The following IQCM variants were observed in gnomAD, a reference collection of about 807,000 sequenced individuals.
The protein encoded by IQCM is IQ domain-containing protein M.
In IQCM, 45 loss-of-function variants were observed where a neutral mutation model predicts 57.6. The ratio of observed to expected loss-of-function variants is 0.78; its 90% CI spans 0.62 to 1.00. The LOEUF is 1.00. Among genes scored for constraint, IQCM ranks in the 50% least tolerant of loss-of-function variants. The probability of loss-of-function intolerance (pLI) is 0.00; values close to 1 mark genes in which losing one functional copy is unlikely to be tolerated. For synonymous variants in IQCM, 148 were observed against 158.9 expected (o/e 0.93, Z 0.51); for missense variants, 468 against 511.6 (o/e 0.91, Z 0.82).
intron 12 of IQCM, among the ~76,000 whole-genome samples, chr4:149,537,965 T>A (rs1389376251): frequency 6.6e-6 from 1 of 151,570 alleles, no homozygotes; most frequent in East Asian, 1.9e-4. Flanking sequence ...AGACACCAGA[T>A]GGTAACTCAT....
chr4:149,502,386 T>C (rs912002491), intron 12 of IQCM, among the ~76,000 whole-genome samples: 4 of 152,052 alleles, frequency 2.6e-5, no homozygotes, highest in African/African-American at 4.8e-5. Flanking sequence ...AGAGGCTGGG[T>C]GCATGCCTTT....
At chr4:149,533,154 G>A (rs905593988) in intron 12 of IQCM, among the ~76,000 whole-genome samples, 4 of 152,124 alleles carry the variant, frequency 2.6e-5, no homozygotes, top group Admixed American at 1.3e-4. Flanking sequence ...GAGCAAAAAT[G>A]AGAGGAATAG....
chr4:149,393,497 G>T (rs1165453112), intron 13 of IQCM, among the ~76,000 whole-genome samples: 1 of 151,756 alleles, frequency 6.6e-6, no homozygotes, highest in Non-Finnish European at 1.5e-5. Flanking sequence ...AAAAATAGTG[G>T]ATAAGAATTT....
At chr4:149,642,783 A>G (rs1005442482) in intron 7 of IQCM, among the ~76,000 whole-genome samples, 1 of 152,316 alleles carries the variant, frequency 6.6e-6, no homozygotes, top group East Asian at 1.9e-4. Flanking sequence ...ATTCAAAATT[A>G]TATTTAGGGA....
Position 149,686,603 on chromosome 4 carries a change from A to T in IQCM, c.386-135T>A. ...TTTAAAATGTTACTAACACAGAGATACTAAAAATCACAGCTGAGTAGTTTT... is the reference window on the plus strand; with the variant it reads ...TTTAAAATGTTACTAACACAGAGATTCTAAAAATCACAGCTGAGTAGTTTT... On this transcript the variant is annotated intron_variant, in intron 5 of 13. Coordinates refer to ENST00000636793, the MANE Select transcript of IQCM (RefSeq NM_001363507.2). The T allele has an allele frequency of 7.6e-6, 3 of 393,150 alleles. 1 individual carries two copies. In the East Asian group the frequency reaches 1.1e-4, roughly 14 times the overall value. The allele number at this position is 393,150 out of a possible 1,614,324, so 24.4% of individuals were successfully genotyped here.
Position 149,439,171 on chromosome 4 carries a change from T to C in IQCM, c.1229-5614A>G, listed in dbSNP as rs539835571. Among the ~76,000 whole-genome samples the C allele has an allele frequency of 1.6e-3, 250 of 152,182 alleles. 2 individuals are homozygous for C. The highest frequency in any genetic ancestry group is 3.7e-3 in the South Asian group (18 of 4,828). ...TATAAATCCAATCAAAATGCCATTT[T>C]AGAGTAGAAAATTAGGGAATCACAG... On this transcript the variant is annotated intron_variant, in intron 12 of 13. Coordinates refer to ENST00000636793, the MANE Select transcript of IQCM (RefSeq NM_001363507.2).
chr4:149,478,287 C>A (rs910990909), intron 12 of IQCM, among the ~76,000 whole-genome samples: 1 of 152,256 alleles, frequency 6.6e-6, no homozygotes, highest in East Asian at 1.9e-4. Context: ...CAGGACTTGT[C>A]TTTCTTGCCT....
intron 13 of IQCM, among the ~76,000 whole-genome samples, chr4:149,392,735 A>G (rs1159312529): frequency 3.9e-5 from 6 of 152,016 alleles, no homozygotes; most frequent in Non-Finnish European, 7.4e-5. Context: ...CAGAATCCAA[A>G]ATTTACACAA....
chr4:149,408,513 G>A (rs1222856147), intron 13 of IQCM, among the ~76,000 whole-genome samples: 1 of 152,016 alleles, frequency 6.6e-6, no homozygotes, highest in Non-Finnish European at 1.5e-5. Flanking sequence ...TAGAAATCAG[G>A]CAATTTTAAG....
chr4:149,692,613 C>T (rs1270805122), intron 5 of IQCM, among the ~76,000 whole-genome samples: 1 of 152,046 alleles, frequency 6.6e-6, no homozygotes, highest in Non-Finnish European at 1.5e-5. Flanking sequence ...AAAATAAATG[C>T]AGATATACTT....
chr4:149,486,803 C>G (rs760931068), intron 12 of IQCM, among the ~76,000 whole-genome samples: 8 of 152,002 alleles, frequency 5.3e-5, no homozygotes, highest in Admixed American at 1.3e-4. Context: ...AGTGAATGTT[C>G]CCAGGCCTGG....
chr4:149,647,282 T>C (rs1758730031), intron 7 of IQCM, among the ~76,000 whole-genome samples: 1 of 152,194 alleles, frequency 6.6e-6, no homozygotes. Flanking sequence ...TTTTGGCTTT[T>C]TAAATCTTTA....
intron 2 of IQCM, among the ~76,000 whole-genome samples, chr4:149,756,210 G>A (rs1047471952): frequency 4.6e-5 from 7 of 152,044 alleles, no homozygotes; most frequent in East Asian, 1.9e-4. Flanking sequence ...ACCCCCCGCC[G>A]TGCCTACAAC....
chr4:149,447,620 AT>A (rs768495815), intron 12 of IQCM, among the ~76,000 whole-genome samples: 27 of 151,794 alleles, frequency 1.8e-4, no homozygotes, highest in Admixed American at 7.3e-4. Flanking sequence ...GACTAAAAAA[AT>A]AAACAGAGTA....
At position 149,563,873 on chromosome 4, in the gene IQCM, T is replaced by C. The variant is rs1750367756; in HGVS notation, c.767A>G (p.Asn256Ser). Reference protein sequence around the residue: ...KSQPRIKGTPNKTDKLDSKVK... With the variant: ...KSQPRIKGTPSKTDKLDSKVK... Reference sequence around the variant, plus strand: ...TTTACTGTCAAGTTTATCAGTTTTATTTGGAGTACCTTTTATCCTAAAAAT... The same window carrying C: ...TTTACTGTCAAGTTTATCAGTTTTACTTGGAGTACCTTTTATCCTAAAAAT... Residue 256 changes from asparagine to serine, a missense_variant, in exon 10 of 14, where the codon AAT (asparagine) becomes AGT (serine). Asn to Ser is a conservative substitution (Grantham distance 46). Transcript: ENST00000636793. 8.1e-7 allele frequency: 1 copy of C among 1,227,964 alleles called. No individual in the cohort carries two copies. The highest frequency in any genetic ancestry group is 3.2e-5 in the East Asian group (1 of 31,664). The allele number at this position is 1,227,964 out of a possible 1,614,324, so 76.1% of individuals were successfully genotyped here.
At chr4:149,559,034 AC>A (rs1432465139) in intron 10 of IQCM, among the ~76,000 whole-genome samples, 1 of 152,022 alleles carries the variant, frequency 6.6e-6, no homozygotes, top group Non-Finnish European at 1.5e-5. Flanking sequence ...ACATTTCTCA[AC>A]CATACACCAG....
In IQCM at chr4:149,369,033, T is replaced by TGTATATATATATATATACAC. The variant is rs1560780062; in HGVS notation, c.1391-16968_1391-16967insGTGTATATATATATATATAC. Among the ~76,000 whole-genome samples the TGTATATATATATATATACAC allele has an allele frequency of 1.2e-4, 7 of 56,946 alleles. 1 individual carries two copies. The highest frequency in any genetic ancestry group is 4.5e-4 in the African/African-American group (7 of 15,414). 37.4% of individuals were successfully genotyped at this position (56,946 alleles called of 152,430 possible). On this transcript the variant is annotated intron_variant, in intron 13 of 13. Transcript: ENST00000636793. The stretch of plus-strand genomic sequence containing the variant: ...ACACGTGTATATATATATATATACA[T>TGTATATATATATATATACAC]GTGTATATATATATATGTATTTTTT...
chr4:149,728,859 AC>A (rs1642864659), intron 5 of IQCM, among the ~76,000 whole-genome samples: 1 of 152,118 alleles, frequency 6.6e-6, no homozygotes, highest in African/African-American at 2.4e-5. Context: ...CCCCCTAGGC[AC>A]TACATCCAGC....
chr4:149,677,103 G>A (rs1270635912), intron 7 of IQCM, among the ~76,000 whole-genome samples: 2 of 151,998 alleles, frequency 1.3e-5, no homozygotes, highest in East Asian at 3.9e-4. Context: ...TTTTGACACT[G>A]GAAAAGTGAG....
Sources: allele counts gnomAD v4.1 joint callset (sites outside exome capture counted in the v4.1 genomes callset), GRCh38; gene constraint gnomAD v4.1.1; transcripts MANE v1.5; gene names NCBI Gene and HGNC (gene_info 2026-07-23, HGNC 2026-07-21).